ADGRB1: variants seen among roughly 807,000 people sequenced by gnomAD.
ADGRB1 encodes the protein brain-specific angiogenesis inhibitor 1.
In ADGRB1, 36 loss-of-function variants were observed where a neutral mutation model predicts 175.7. That is an observed-to-expected ratio of 0.20 (90% CI 0.16 to 0.27). The LOEUF is 0.27. Among genes scored for constraint, ADGRB1 ranks in the 10% least tolerant of loss-of-function variants. The pLI, the probability that ADGRB1 is intolerant of heterozygous loss-of-function variation, is 1.00. For synonymous variants in ADGRB1, 1,054 were observed against 979.4 expected (o/e 1.08, Z -1.42); for missense variants, 1,731 against 2,255.3 (o/e 0.77, Z 4.71).
At chr8:142,473,509 A>T (rs1016565487) in intron 2 of ADGRB1, among the ~76,000 whole-genome samples, 1 of 152,194 alleles carries the variant, frequency 6.6e-6, no homozygotes, top group Admixed American at 6.5e-5. Context: ...GTGACAGGGC[A>T]GCCACGAAGG....
chr8:142,507,534 G>A (rs1307402309), intron 17 of ADGRB1, among the ~76,000 whole-genome samples: 1 of 152,204 alleles, frequency 6.6e-6, no homozygotes, highest in Non-Finnish European at 1.5e-5. Context: ...GCCCCCAGAG[G>A]CCGATAAACG....
chr8:142,542,382 C>A lies in ADGRB1; in HGVS notation c.4148C>A (p.Ala1383Asp). The change falls in exon 28 of 31, where the codon GCC becomes GAC. Residue 1383 changes from alanine (A) to aspartate (D), a missense_variant. Coordinates refer to ENST00000517894, the MANE Select transcript of ADGRB1 (RefSeq NM_001702.3). The surrounding 1 kb of genome is among the most constrained non-coding windows in gnomAD (Gnocchi z 6.3). ...PQTRLIHLST[A>D]PEASLPARSP... The stretch of plus-strand genomic sequence containing the variant: ...ACCCGCCTCATCCACCTCAGCACGG[C>A]CCCCGAGGCCAGCCTCCCCGCCCGC... 6.4e-7 allele frequency: 1 copy of A among 1,567,742 alleles called. No individual in the cohort carries two copies. Among genetic ancestry groups the A allele is most frequent in the South Asian group, 1.2e-5 (1 of 86,058 alleles).
At chr8:142,527,914 A>G (rs1844309835) in intron 24 of ADGRB1, among the ~76,000 whole-genome samples, 1 of 152,246 alleles carries the variant, frequency 6.6e-6, no homozygotes. Flanking sequence ...CTTCCAGGCC[A>G]GGTGGGCACA....
At chr8:142,525,371 A>C (rs183267025) in intron 23 of ADGRB1, among the ~76,000 whole-genome samples, 3 of 150,928 alleles carry the variant, frequency 2.0e-5, no homozygotes, top group Non-Finnish European at 3.0e-5. Context: ...CACCCTGTAC[A>C]CCCCTCCCCA....
intron 25 of ADGRB1, among the ~76,000 whole-genome samples, chr8:142,534,380 C>A (rs934975363): frequency 1.3e-5 from 2 of 152,170 alleles, no homozygotes; most frequent in Non-Finnish European, 2.9e-5. Context: ...ACTCTCTGGG[C>A]AGAGTGAACA....
intron 3 of ADGRB1, 101 bp downstream of exon 3, chr8:142,475,736 G>A (rs1433062063): frequency 9.6e-7 from 1 of 1,044,018 alleles, no homozygotes; most frequent in East Asian, 3.5e-5. Flanking sequence ...GCCCGTGGGG[G>A]CGGGGCGGGG....
intron 2 of ADGRB1, among the ~76,000 whole-genome samples, chr8:142,471,183 A>C (rs1449927963): frequency 6.6e-6 from 1 of 152,182 alleles, no homozygotes; most frequent in African/African-American, 2.4e-5. Context: ...AGTCCCCATC[A>C]CAGACAACAC....
chr8:142,472,437 C>A (rs1266077796), intron 2 of ADGRB1, among the ~76,000 whole-genome samples: 24 of 152,308 alleles, frequency 1.6e-4, no homozygotes, highest in Admixed American at 1.2e-3. Flanking sequence ...CGGCCCACCC[C>A]CCAGCCTGCT....
intron 19 of ADGRB1, among the ~76,000 whole-genome samples, chr8:142,518,760 T>C (rs1424585656): frequency 6.6e-6 from 1 of 152,228 alleles, no homozygotes; most frequent in Admixed American, 6.5e-5. Flanking sequence ...AACATGCCTG[T>C]TGAGTGTGTG....
intron 17 of ADGRB1, among the ~76,000 whole-genome samples, chr8:142,505,133 C>T (rs546199602): frequency 6.6e-6 from 1 of 152,312 alleles, no homozygotes; most frequent in South Asian, 2.1e-4. Flanking sequence ...AATGAGTAGG[C>T]CCTGTGCGGG....
chr8:142,456,044 C>T (rs1291595111), intron 1 of ADGRB1, among the ~76,000 whole-genome samples: 1 of 152,054 alleles, frequency 6.6e-6, no homozygotes, highest in Non-Finnish European at 1.5e-5. Flanking sequence ...TAATGGCCAC[C>T]CCAGAGGAAC....
At chr8:142,499,776 G>A (rs1842401359) in intron 17 of ADGRB1, among the ~76,000 whole-genome samples, 1 of 152,222 alleles carries the variant, frequency 6.6e-6, no homozygotes, top group Admixed American at 6.5e-5. Context: ...ATAGCTGGGG[G>A]TAGCGGGGGC....
chr8:142,454,220 G>A (rs1197892560), intron 1 of ADGRB1, among the ~76,000 whole-genome samples: 1 of 152,166 alleles, frequency 6.6e-6, no homozygotes, highest in Non-Finnish European at 1.5e-5. Context: ...TGCACAAGAC[G>A]CAGGCCACAT....
chr8:142,532,149 G>A (rs1257335026), intron 24 of ADGRB1, among the ~76,000 whole-genome samples: 2 of 152,166 alleles, frequency 1.3e-5, no homozygotes, highest in Non-Finnish European at 1.5e-5. Flanking sequence ...TGTAGGAGGA[G>A]GGGAGGAGGG....
chr8:142,468,218 GTGTGTGTGCGTGTGCAGTACATTACTCA>G (rs1231925696), intron 2 of ADGRB1, among the ~76,000 whole-genome samples: 1 of 151,960 alleles, frequency 6.6e-6, no homozygotes, highest in Admixed American at 6.6e-5. Context: ...GCGTGTGTGT[GTGTGTGTGCGTGTGCAGTACATTACTCA>G]TGTGCGTGTG....
At position 142,484,653 on chromosome 8, in the gene ADGRB1, C is replaced by T. The variant is rs951435091; in HGVS notation, c.2200-3C>T. On this transcript the variant is annotated splice_polypyrimidine_tract_variant and splice_region_variant and intron_variant, in intron 12 of 30. Transcript: ENST00000517894. ...CTCGGCTGCTCACCCCCCTGCCCTC[C>T]AGGCGGGCCCCAACGCCAAGGAGCT... The T allele has an allele frequency of 8.7e-6, 14 of 1,607,068 alleles. No individual in the cohort carries two copies. The highest frequency in any genetic ancestry group is 3.4e-5 in the Admixed American group (2 of 59,368).
Position 142,543,373 on chromosome 8 carries a change from C to G in ADGRB1, c.4414-30C>G. On this transcript the variant is annotated intron_variant, in intron 28 of 30. Transcript: ENST00000517894. This position sits in a 1 kb window ranked among gnomAD's most constrained non-coding sequence, Gnocchi z 4.4. ...GCGTGGACTTGTCAGGGACCCTTGG[C>G]GAATGTTCGCAAACCCCTTCTCCCT... 1.2e-6 allele frequency: 2 copies of G among 1,613,108 alleles called. No individual in the cohort carries two copies.
chr8:142,481,716 G>A lies in ADGRB1; in HGVS notation c.2130+5G>A, dbSNP rs1379712948. 2 of 1,544,806 alleles carry A rather than the reference G, an allele frequency of 1.3e-6. No homozygotes were observed. Among genetic ancestry groups the A allele is most frequent in the Admixed American group, 1.9e-5 (1 of 51,702 alleles). On this transcript the variant is annotated splice_donor_5th_base_variant and intron_variant, in intron 11 of 30. Transcript: ENST00000517894. ...CCCACCCCTGGGGACGTACAGGTGG[G>A]CTCCCCGAGCGGCATTTTGGAAGAG...
chr8:142,479,620 C>A, intron 8 of ADGRB1, 73 bp from the exon 9 acceptor site: 1 of 1,525,720 alleles, frequency 6.6e-7, no homozygotes, highest in Non-Finnish European at 8.8e-7. Flanking sequence ...GCTCCAGGCG[C>A]CTTGCACCTT....
Sources: allele counts gnomAD v4.1 joint callset (sites outside exome capture counted in the v4.1 genomes callset), GRCh38; gene constraint gnomAD v4.1.1; non-coding constraint Gnocchi (gnomAD v3.1); transcripts MANE v1.5; gene names NCBI Gene and HGNC (gene_info 2026-07-23, HGNC 2026-07-21).